Variants in FSTL4 observed in about 807,000 individuals in gnomAD.
The protein encoded by FSTL4 is follistatin-related protein 4.
Under a neutral mutation model 78.2 loss-of-function variants are expected in FSTL4, and 28 were observed. The observed-to-expected ratio is 0.36, with a 90% CI of 0.27 to 0.49. FSTL4 has a LOEUF of 0.49. FSTL4 is among the 20% of genes least tolerant of loss of function. FSTL4 has a pLI of 0.98. For synonymous variants in FSTL4, 422 were observed against 440.5 expected, an observed-to-expected ratio of 0.96 and a Z score of 0.53; for missense variants, 922 against 1,084.9, an observed-to-expected ratio of 0.85 and a Z score of 2.11.
the FSTL4 span, among the ~76,000 whole-genome samples, chr5:133,729,327 C>T: frequency 6.6e-6 from 1 of 152,122 alleles, no homozygotes; most frequent in African/African-American, 2.4e-5. Context: ...GGTTTGAATC[C>T]TGGCTTGACC....
chr5:133,710,653 A>T, the FSTL4 span, among the ~76,000 whole-genome samples: 24 of 152,218 alleles, frequency 1.6e-4, no homozygotes, highest in Admixed American at 1.4e-3. Context: ...GGCCATGCAG[A>T]GGTACCCCTA....
At chr5:133,782,279 G>A in the FSTL4 span, among the ~76,000 whole-genome samples, 1 of 152,250 alleles carries the variant, frequency 6.6e-6, no homozygotes. Flanking sequence ...AACTGCTGCT[G>A]TTAACAAAAA....
chr5:133,360,888 G>A (rs566773343), intron 4 of FSTL4, among the ~76,000 whole-genome samples: 5 of 152,142 alleles, frequency 3.3e-5, no homozygotes, highest in African/African-American at 1.2e-4. Context: ...ACTCCCTAAC[G>A]CAGGGAGCTT....
intron 4 of FSTL4, among the ~76,000 whole-genome samples, chr5:133,328,239 C>A (rs1021877251): frequency 2.0e-5 from 3 of 152,220 alleles, no homozygotes; most frequent in Non-Finnish European, 4.4e-5. Context: ...CACCTGAATA[C>A]GCAGACAATG....
chr5:133,625,554 T>C, the FSTL4 span, among the ~76,000 whole-genome samples: 2 of 150,530 alleles, frequency 1.3e-5, no homozygotes, highest in Admixed American at 6.7e-5. Flanking sequence ...TATTGATCTT[T>C]AAAAATAACT....
the FSTL4 span, among the ~76,000 whole-genome samples, chr5:133,762,523 A>T: frequency 2.0e-5 from 3 of 152,182 alleles, no homozygotes; most frequent in African/African-American, 7.2e-5. Flanking sequence ...GTTGGAAAGC[A>T]CTCGATGCAA....
chr5:133,282,275 G>A lies in FSTL4; in HGVS notation c.727+30379C>T, dbSNP rs74852766. 2.7e-3 allele frequency among the ~76,000 whole-genome samples: 408 copies of A among 152,158 alleles called. 1 individual carries two copies. Among genetic ancestry groups the A allele is most frequent in the African/African-American group, 9.3e-3 (385 of 41,526 alleles). ...CCCTTCTGTGGGCACACATGAACAC[G>A]GCCAGGAGCACCAAACCACATGCTC... On this transcript the variant is annotated intron_variant, in intron 6 of 15. Transcript: ENST00000265342.
intron 3 of FSTL4, among the ~76,000 whole-genome samples, chr5:133,542,863 T>C (rs1759504655): frequency 6.6e-6 from 1 of 152,284 alleles, no homozygotes; most frequent in South Asian, 2.1e-4. Flanking sequence ...CATAGTTTTG[T>C]TAGATTTATT....
the FSTL4 span, among the ~76,000 whole-genome samples, chr5:133,761,814 C>T: frequency 6.6e-6 from 1 of 152,304 alleles, no homozygotes; most frequent in African/African-American, 2.4e-5. Flanking sequence ...CATCCATCTC[C>T]TGTGCTACTA....
chr5:133,574,701 A>G (rs888785801), intron 2 of FSTL4: 2 of 152,274 alleles, frequency 1.3e-5, no homozygotes, highest in Non-Finnish European at 2.9e-5. Flanking sequence ...GGTGGAACAG[A>G]TAAACTGTGG....
chr5:133,801,668 G>A, the FSTL4 span, among the ~76,000 whole-genome samples: 2 of 152,258 alleles, frequency 1.3e-5, no homozygotes, highest in African/African-American at 2.4e-5. Flanking sequence ...GATGCGAGGG[G>A]TTCAGCCCAG....
At chr5:133,263,432 G>T (rs1031432812) in intron 6 of FSTL4, among the ~76,000 whole-genome samples, 21 of 152,104 alleles carry the variant, frequency 1.4e-4, no homozygotes, top group Non-Finnish European at 2.2e-4. Flanking sequence ...GATGGGCAGG[G>T]GCCAGTGAGG....
chr5:133,422,798 T>C (rs769823902), intron 3 of FSTL4, among the ~76,000 whole-genome samples: 1 of 152,256 alleles, frequency 6.6e-6, no homozygotes, highest in Non-Finnish European at 1.5e-5. Context: ...TTAACAATTC[T>C]ATCTCTACAT....
rs201280605 is a variant in FSTL4 at position 133,603,839 on chromosome 5, C to T, written c.126+19G>A. 3.7e-5 allele frequency: 60 copies of T among 1,612,388 alleles called. No homozygotes were observed. The Middle Eastern group carries it at 5.0e-4, about 13-fold the overall frequency. On this transcript the variant is annotated intron_variant, in intron 2 of 15. Coordinates refer to ENST00000265342, the MANE Select transcript of FSTL4 (RefSeq NM_015082.2). ...AGCAATCAGTTTGAAATGTTATGTC[C>T]GCAGGGATTTGACTATACCTCTGCC...
chr5:133,263,840 G>C (rs976332706), intron 6 of FSTL4, among the ~76,000 whole-genome samples: 8 of 152,170 alleles, frequency 5.3e-5, no homozygotes, highest in African/African-American at 1.7e-4. Flanking sequence ...AAAAGTCTCT[G>C]AGTGGGTGAG....
At chr5:133,453,370 A>G (rs1035597631) in intron 3 of FSTL4, among the ~76,000 whole-genome samples, 1 of 152,160 alleles carries the variant, frequency 6.6e-6, no homozygotes, top group African/African-American at 2.4e-5. Context: ...TCTTGTATTC[A>G]GACTAGATGA....
chr5:133,246,251 A>C (rs944730391), intron 7 of FSTL4, among the ~76,000 whole-genome samples: 1 of 152,164 alleles, frequency 6.6e-6, no homozygotes, highest in Non-Finnish European at 1.5e-5. Flanking sequence ...CCTCAGGCTG[A>C]GGGACTCTGG....
At chr5:133,777,601 T>C in the FSTL4 span, among the ~76,000 whole-genome samples, 9 of 152,262 alleles carry the variant, frequency 5.9e-5, no homozygotes, top group African/African-American at 1.9e-4. Context: ...TGGTTTCTTA[T>C]GTACAGAGAG....
intron 3 of FSTL4, among the ~76,000 whole-genome samples, chr5:133,428,025 G>C (rs10060919): frequency 0.26 from 39,968 of 152,086 alleles, 5,314 homozygotes; most frequent in Admixed American, 0.32. Context: ...ATATCAACTT[G>C]TGTGAGTTGG....
Sources: gnomAD v4.1 joint callset for allele counts (sites outside exome capture counted in the v4.1 genomes callset) on GRCh38, gnomAD v4.1.1 for gene constraint, MANE v1.5 for transcripts, NCBI Gene and HGNC (gene_info 2026-07-23, HGNC 2026-07-21) for gene names.